HECTD4: variants seen among roughly 807,000 people sequenced by gnomAD.
HECTD4 encodes the protein HECT domain E3 ubiquitin protein ligase 4.
Under a neutral mutation model 471.5 loss-of-function variants are expected in HECTD4, and 114 were observed. That is an observed-to-expected ratio of 0.24 (90% CI 0.21 to 0.28). The LOEUF (loss-of-function observed/expected upper bound fraction) is 0.28. Ranked by LOEUF, HECTD4 falls within the 10% of genes least tolerant of loss-of-function variation. HECTD4 has a pLI of 1.00. For missense variants in HECTD4, 3,866 were observed against 5,651.5 expected (o/e 0.68, Z 10.13); for synonymous variants, 2,012 against 2,256.0 (o/e 0.89, Z 3.07).
In HECTD4 at chr12:112,178,921, G is replaced by T; in HGVS notation, c.11363+10C>A. Reference sequence around the variant, plus strand: ...CAGGCTGGGCTGCCCAGGCTCCTTGGGGCACGCACCTGACGCTGTTGAGCA... The same window carrying T: ...CAGGCTGGGCTGCCCAGGCTCCTTGTGGCACGCACCTGACGCTGTTGAGCA... On this transcript the variant is annotated intron_variant, in intron 64 of 75. Coordinates refer to ENST00000682272, the MANE Select transcript of HECTD4 (RefSeq NM_001388303.1). 1 of 1,601,318 alleles carries T rather than the reference G, an allele frequency of 6.2e-7. No homozygotes were observed. The highest frequency in any genetic ancestry group is 8.5e-7 in the Non-Finnish European group (1 of 1,173,138).
At position 112,382,215 on chromosome 12, in the gene HECTD4, A is replaced by G; in HGVS notation, c.-87T>C. ...GCCGCCGCGATCACCAGTCCATGGC[A>G]GCGGCCGCCGCGCCCGCCAGCGGCG... On this transcript the variant is annotated 5_prime_UTR_variant, in exon 1 of 76. Transcript: ENST00000682272. 9.0e-7 allele frequency: 1 copy of G among 1,112,062 alleles called. No individual in the cohort carries two copies. Among genetic ancestry groups the G allele is most frequent in the Non-Finnish European group, 1.1e-6 (1 of 886,436 alleles). 68.9% of individuals were successfully genotyped at this position (1,112,062 alleles called of 1,614,324 possible).
intron 1 of HECTD4, among the ~76,000 whole-genome samples, chr12:112,353,976 T>C (rs1019455490): frequency 2.6e-4 from 40 of 152,270 alleles, no homozygotes; most frequent in African/African-American, 9.6e-4. Flanking sequence ...AGGAGGCAGA[T>C]GTAGGACAGT....
chr12:112,163,437 G>T lies in HECTD4; in HGVS notation c.12897+105C>A. 1 of 1,107,236 alleles carries T rather than the reference G, an allele frequency of 9.0e-7. No homozygotes were observed. The highest frequency in any genetic ancestry group is 1.3e-6 in the Non-Finnish European group (1 of 786,386). 68.6% of individuals were successfully genotyped at this position (1,107,236 alleles called of 1,614,324 possible). A position where few individuals can be genotyped will look rare whatever the true frequency, so the allele number is the denominator to read the frequency against. On this transcript the variant is annotated intron_variant, in intron 74 of 75. Transcript: ENST00000682272. This position sits in a 1 kb window ranked among gnomAD's most constrained non-coding sequence, Gnocchi z 8.2. ...GATACAGGTCTGTGGCAAGGACAGA[G>T]CTGAGACAGGCCACTGCCGATGCCT...
intron 8 of HECTD4, among the ~76,000 whole-genome samples, chr12:112,282,245 TG>T (rs2034660989): frequency 6.6e-6 from 1 of 152,034 alleles, no homozygotes; most frequent in South Asian, 2.1e-4. Context: ...TAGCCAGGCG[TG>T]GTAGCGGGCG....
Position 112,203,684 on chromosome 12 carries a change from C to T in HECTD4, c.8358G>A (p.Gly2786=). Residue 2786 remains glycine (G), a synonymous_variant, in exon 54 of 76, where the codon GGG becomes GGA. Transcript: ENST00000682272. ...GTALPKFAIR[G]MLKTFGLHGV... ...CATGAAGCCCAAAGGTTTTCAGCAT[C>T]CCTCGGATGGCAAATTTTGGCAGAG... is the stretch of plus-strand genomic sequence containing the variant. The T allele has an allele frequency of 6.2e-7, 1 of 1,613,416 alleles. No individual in the cohort carries two copies. The highest frequency in any genetic ancestry group is 8.5e-7 in the Non-Finnish European group (1 of 1,179,664).
intron 48 of HECTD4, among the ~76,000 whole-genome samples, chr12:112,214,725 C>T (rs1379095867): frequency 6.6e-6 from 1 of 152,208 alleles, no homozygotes; most frequent in Non-Finnish European, 1.5e-5. Context: ...GACATACACC[C>T]TTTTGTGCTG....
chr12:112,229,771 G>A lies in HECTD4; in HGVS notation c.6446C>T (p.Ala2149Val). 1 of 1,614,036 alleles carries A rather than the reference G, an allele frequency of 6.2e-7. No individual in the cohort carries two copies. The highest frequency in any genetic ancestry group is 8.5e-7 in the Non-Finnish European group (1 of 1,179,896). ...ACACAGTGCGGCAACGGCCTGGCGTGCAATTCTCTGAAGTTTGGCAAGTTT... is the reference window on the plus strand; with the variant it reads ...ACACAGTGCGGCAACGGCCTGGCGTACAATTCTCTGAAGTTTGGCAAGTTT... ...GRKLAKLQRI[A>V]RQAVAALCAL... The change falls in exon 41 of 76, where the codon GCA becomes GTA. Residue 2149 changes from alanine to valine, a missense_variant. Physicochemically the swap from Ala to Val is moderately conservative, Grantham distance 64 (BLOSUM62 0). Coordinates refer to ENST00000682272, the MANE Select transcript of HECTD4 (RefSeq NM_001388303.1).
chr12:112,236,928 G>A lies in HECTD4; in HGVS notation c.5444+17C>T, dbSNP rs2033522662. 1.3e-6 allele frequency: 2 copies of A among 1,583,092 alleles called. No individual in the cohort carries two copies. Among genetic ancestry groups the A allele is most frequent in the Non-Finnish European group, 1.7e-6 (2 of 1,160,844 alleles). The stretch of plus-strand genomic sequence containing the variant: ...AAAGCCAGCTTCTCCCAGAGCTCCA[G>A]GCTGGACCTTGCATACCTTGAGAGA... On this transcript the variant is annotated intron_variant, in intron 35 of 75. Transcript: ENST00000682272.
At chr12:112,233,957 T>A (rs1359661745) in intron 37 of HECTD4, among the ~76,000 whole-genome samples, 1 of 152,242 alleles carries the variant, frequency 6.6e-6, no homozygotes, top group Non-Finnish European at 1.5e-5. Context: ...TTCTTGATTT[T>A]ACTTGTCTGA....
At position 112,273,649 on chromosome 12, in the gene HECTD4, C is replaced by A. The variant is rs1461818410; in HGVS notation, c.1942+6G>T. The A allele has an allele frequency of 1.9e-6, 3 of 1,613,404 alleles. No individual in the cohort carries two copies. Among genetic ancestry groups the A allele is most frequent in the South Asian group, 1.1e-5 (1 of 91,024 alleles). On this transcript the variant is annotated splice_donor_region_variant and intron_variant, in intron 11 of 75. Coordinates refer to ENST00000682272, the MANE Select transcript of HECTD4 (RefSeq NM_001388303.1). ...CTTTTCCTGCAAGACCCTGAGTGCACCTCACCTTTGGGCTCAGTGATAATG... is the reference window on the plus strand; with the variant it reads ...CTTTTCCTGCAAGACCCTGAGTGCAACTCACCTTTGGGCTCAGTGATAATG...
At chr12:112,316,916 A>T (rs2035491355) in intron 2 of HECTD4, among the ~76,000 whole-genome samples, 1 of 152,134 alleles carries the variant, frequency 6.6e-6, no homozygotes, top group African/African-American at 2.4e-5. Flanking sequence ...ATTTCTGCTG[A>T]ATGAAATTTA....
rs34854104 is a variant in HECTD4, at chr12:112,259,517, CTTTTTTT to C, written c.2874-259_2874-253del. On this transcript the variant is annotated intron_variant, in intron 18 of 75. Transcript: ENST00000682272. ...TTTTGCCAAAAAATTTATAAGCTGC[CTTTTTTT>C]TTTTTTTTTTTTTTGACAGGCTCTC... 1.0e-3 allele frequency among the ~76,000 whole-genome samples: 120 copies of C among 118,636 alleles called. 2 individuals carry two copies. The highest frequency in any genetic ancestry group is 4.9e-4 in the Non-Finnish European group (29 of 59,144). 77.8% of individuals were successfully genotyped at this position (118,636 alleles called of 152,430 possible). A position where few individuals can be genotyped will look rare whatever the true frequency, so the allele number is the denominator to read the frequency against.
intron 11 of HECTD4, among the ~76,000 whole-genome samples, chr12:112,271,089 C>T (rs933299121): frequency 3.9e-5 from 6 of 152,104 alleles, no homozygotes; most frequent in African/African-American, 1.4e-4. Context: ...AAAAAAAAAG[C>T]TTTATCAAGA....
chr12:112,288,790 G>A (rs1031373334), intron 7 of HECTD4, among the ~76,000 whole-genome samples: 1 of 152,206 alleles, frequency 6.6e-6, no homozygotes, highest in Admixed American at 6.5e-5. Flanking sequence ...GCCATCTTCA[G>A]TGGCACAGCC....
chr12:112,351,081 A>G (rs1594066693), intron 1 of HECTD4, among the ~76,000 whole-genome samples: 3 of 152,278 alleles, frequency 2.0e-5, no homozygotes, highest in East Asian at 3.9e-4. Flanking sequence ...AGAGGAAGAC[A>G]TGTTTGGTTT....
intron 1 of HECTD4, among the ~76,000 whole-genome samples, chr12:112,337,299 T>TAATTGATATTATAAATGATATA (rs1430332506): frequency 1.2e-4 from 18 of 152,346 alleles, no homozygotes; most frequent in Non-Finnish European, 2.4e-4. Context: ...AATATTTTTA[T>TAATTGATATTATAAATGATATA]CATCAAATGA....
intron 44 of HECTD4, 113 bp from the exon 45 acceptor site, chr12:112,219,602 A>T (rs2033032344): frequency 2.7e-5 from 14 of 514,594 alleles, no homozygotes; most frequent in Admixed American, 1.2e-4. Context: ...AGCTCATTGA[A>T]TTTTTTTTTT....
At chr12:112,246,877 T>C (rs1319063532) in intron 29 of HECTD4, 24 bp downstream of exon 29, 1 of 1,599,184 alleles carries the variant, frequency 6.3e-7, no homozygotes, top group Non-Finnish European at 8.5e-7. Context: ...CAGAAGCCGA[T>C]TAGGGGCTAT....
At chr12:112,340,866 G>A (rs1220541535) in intron 1 of HECTD4, among the ~76,000 whole-genome samples, 2 of 152,132 alleles carry the variant, frequency 1.3e-5, no homozygotes, top group African/African-American at 2.4e-5. Context: ...GAAGGATGCT[G>A]ATAGACTGCA....
Sources: allele counts gnomAD v4.1 joint callset (sites outside exome capture counted in the v4.1 genomes callset), GRCh38; gene constraint gnomAD v4.1.1; non-coding constraint Gnocchi (gnomAD v3.1); transcripts MANE v1.5; gene names NCBI Gene and HGNC (gene_info 2026-07-23, HGNC 2026-07-21).